ABCC4: variants seen among roughly 807,000 people sequenced by gnomAD.
ABCC4 encodes the protein ATP-binding cassette sub-family C member 4.
ABCC4 carries 102 observed loss-of-function variants against 168.5 expected under a neutral mutation model. The observed-to-expected ratio is 0.61, with a 90% CI of 0.52 to 0.71. The LOEUF is 0.71. Ranked by LOEUF, ABCC4 falls within the 30% of genes least tolerant of loss-of-function variation. The pLI, the probability that ABCC4 is intolerant of heterozygous loss-of-function variation, is 0.00. For missense variants in ABCC4, 1,402 were observed against 1,605.8 expected, an observed-to-expected ratio of 0.87 and a Z score of 2.17; for synonymous variants, 617 against 590.7, an observed-to-expected ratio of 1.04 and a Z score of -0.65.
chr13:95,227,245 T>C (rs2138733440), intron 4 of ABCC4, among the ~76,000 whole-genome samples: 1 of 152,332 alleles, frequency 6.6e-6, no homozygotes, highest in South Asian at 2.1e-4. Context: ...CTTGCTTTCT[T>C]AGCTCAAACT....
chr13:95,289,933 C>T (rs1295118711), intron 1 of ABCC4, among the ~76,000 whole-genome samples: 4 of 151,988 alleles, frequency 2.6e-5, no homozygotes, highest in Non-Finnish European at 5.9e-5. Flanking sequence ...CCCATCTCTA[C>T]TAAAAATACA....
intron 15 of ABCC4, 88 bp from the exon 16 acceptor site, chr13:95,164,606 G>A (rs4148501): frequency 0.099 from 143,751 of 1,452,860 alleles, 8,828 homozygotes; most frequent in East Asian, 0.28. Context: ...AAAGCTGTGG[G>A]GAAACAGGCA....
intron 22 of ABCC4, 99 bp downstream of exon 22, chr13:95,075,333 C>T: frequency 6.6e-7 from 1 of 1,519,110 alleles, no homozygotes; most frequent in South Asian, 1.2e-5. Flanking sequence ...TGGGGCTGGG[C>T]CCTGAGGTGC....
chr13:95,025,259 ACACCCC>A (rs2031402255), intron 30 of ABCC4, among the ~76,000 whole-genome samples: 1 of 22,868 alleles, frequency 4.4e-5, no homozygotes, highest in Non-Finnish European at 7.3e-5. Flanking sequence ...ACACACACAC[ACACCCC>A]CACACCCCCA....
rs116679171 is a variant in ABCC4, at chr13:95,077,248, T to G, written c.2687-1697A>C. ...AGATAAATGATTTGTGCTTTGCAAT[T>G]AGCAAACACTGACTTTGCTACCTGT... On this transcript the variant is annotated intron_variant, in intron 21 of 30. Transcript: ENST00000645237. Among the ~76,000 whole-genome samples, 906 of 152,338 alleles carry G rather than the reference T, an allele frequency of 5.9e-3. 11 individuals are homozygous for G. Among genetic ancestry groups the G allele is most frequent in the African/African-American group, 0.02 (852 of 41,582 alleles).
At chr13:95,156,560 G>A (rs1594197569) in intron 19 of ABCC4, among the ~76,000 whole-genome samples, 2 of 152,282 alleles carry the variant, frequency 1.3e-5, no homozygotes, top group East Asian at 3.9e-4. Flanking sequence ...CGGAAACAGG[G>A]CTAAGACACA....
chr13:95,068,492 G>C (rs2033621763), intron 25 of ABCC4, among the ~76,000 whole-genome samples: 1 of 151,526 alleles, frequency 6.6e-6, no homozygotes, highest in Non-Finnish European at 1.5e-5. Context: ...AGGCATGGCA[G>C]CGGGTGCCTG....
At position 95,210,730 on chromosome 13, in the gene ABCC4, C is replaced by T; in HGVS notation, c.583G>A (p.Val195Ile). 6.2e-7 allele frequency: 1 copy of T among 1,614,216 alleles called. No individual in the cohort carries two copies. Among genetic ancestry groups the T allele is most frequent in the Non-Finnish European group, 8.5e-7 (1 of 1,180,032 alleles). The change falls in exon 5 of 31, where the codon GTC becomes ATC. Residue 195 changes from valine (V) to isoleucine (I), a missense_variant. Coordinates refer to ENST00000645237, the MANE Select transcript of ABCC4 (RefSeq NM_005845.5). ...AMGKTTTGQI[V>I]NLLSNDVNKF... ...TTCACATCATTGGACAGCAGATTGA[C>T]TATCTGGCCTGTGGTTGTCTTCCCC...
rs1165231157 is a variant in ABCC4 at position 95,053,123 on chromosome 13, T to A, written c.3428A>T (p.Asp1143Val). ...TTGTAAGGCATTCCACAGTTCCTCA[T>A]CCGTGTGCTCATTAAAGGGATCCAG... is the stretch of plus-strand genomic sequence containing the variant. ...KNLDPFNEHT[D>V]EELWNALQEV... The change falls in exon 27 of 31, where the codon GAT becomes GTT. Residue 1143 changes from aspartate to valine, a missense_variant. By Grantham distance (152) the Asp-to-Val change is radical. This residue lies in a region of ABCC4 where 1,007 missense variants were observed against 1,127.3 expected (regional missense o/e 0.89). Coordinates refer to ENST00000645237, the MANE Select transcript of ABCC4 (RefSeq NM_005845.5). The A allele has an allele frequency of 6.2e-7, 1 of 1,614,138 alleles. No individual in the cohort carries two copies. Among genetic ancestry groups the A allele is most frequent in the South Asian group, 1.1e-5 (1 of 91,082 alleles).
At chr13:95,242,275 T>G (rs774638130) in intron 3 of ABCC4, among the ~76,000 whole-genome samples, 96 of 151,972 alleles carry the variant, frequency 6.3e-4, no homozygotes, top group Non-Finnish European at 2.6e-4. Context: ...TCACCCAGGC[T>G]GAAGTGCAGT....
rs1231374395 is a variant in ABCC4, at chr13:95,166,341, G to A, written c.1851C>T (p.Tyr617=). 3.7e-6 allele frequency: 6 copies of A among 1,613,076 alleles called. No homozygotes were observed. In the African/African-American group the frequency reaches 8.0e-5, roughly 22 times the overall value. Residue 617 remains tyrosine (Y), a synonymous_variant, in exon 15 of 31, where the codon TAC becomes TAT. Coordinates refer to ENST00000645237, the MANE Select transcript of ABCC4 (RefSeq NM_005845.5). ...KDGKMVQKGT[Y]TEFLKSGIDF... ...CTATACCAGATTTTAGGAACTCAGT[G>A]TAAGTCCCCTTCTGCACCATTTTAC...
chr13:95,095,938 CT>C, intron 20 of ABCC4: 3 of 386,186 alleles, frequency 7.8e-6, no homozygotes. Flanking sequence ...TGTTAAGACA[CT>C]TAAATAGGTG....
At chr13:95,226,898 A>G (rs1355063421) in intron 4 of ABCC4, among the ~76,000 whole-genome samples, 2 of 152,202 alleles carry the variant, frequency 1.3e-5, no homozygotes, top group Non-Finnish European at 2.9e-5. Context: ...TGTGAACTGG[A>G]AGGTCTTAGT....
intron 4 of ABCC4, among the ~76,000 whole-genome samples, chr13:95,216,050 TAAATC>T (rs1175651176): frequency 6.6e-6 from 1 of 152,204 alleles, no homozygotes; most frequent in African/African-American, 2.4e-5. Flanking sequence ...ATTATGATCA[TAAATC>T]AAGCTACCAT....
intron 29 of ABCC4, among the ~76,000 whole-genome samples, chr13:95,037,643 C>T (rs2032179798): frequency 6.6e-6 from 1 of 152,136 alleles, no homozygotes; most frequent in African/African-American, 2.4e-5. Context: ...CTTTCAGTTT[C>T]TTTGTTTTCA....
intron 4 of ABCC4, among the ~76,000 whole-genome samples, chr13:95,218,316 G>C (rs1052589816): frequency 6.6e-6 from 1 of 152,136 alleles, no homozygotes; most frequent in Non-Finnish European, 1.5e-5. Flanking sequence ...CTGTTTCTGA[G>C]GGGATGATCC....
At chr13:95,247,918 G>GCACACACACACA (rs34133084) in intron 1 of ABCC4, among the ~76,000 whole-genome samples, 165 bp from the exon 2 acceptor site, 13,671 of 142,554 alleles carry the variant, frequency 0.096, 876 homozygotes, top group Non-Finnish European at 0.13. Context: ...GTTAACATGT[G>GCACACACACACA]CACACACACA....
chr13:95,240,015 T>C (rs1202453805), intron 3 of ABCC4, among the ~76,000 whole-genome samples: 1 of 152,046 alleles, frequency 6.6e-6, no homozygotes, highest in Non-Finnish European at 1.5e-5. Flanking sequence ...TGGCAGGTGG[T>C]ACACACCCTC....
At chr13:95,160,824 T>C (rs111246793) in intron 19 of ABCC4, among the ~76,000 whole-genome samples, 14 of 152,238 alleles carry the variant, frequency 9.2e-5, no homozygotes, top group African/African-American at 3.1e-4. Context: ...CCTAACACTA[T>C]GTAAACACAG....
Sources: allele counts gnomAD v4.1 joint callset (sites outside exome capture counted in the v4.1 genomes callset), GRCh38; gene constraint gnomAD v4.1.1; regional missense constraint gnomAD v4.1.1; transcripts MANE v1.5; gene names NCBI Gene and HGNC (gene_info 2026-07-23, HGNC 2026-07-21).